ASTN2: variants seen among roughly 807,000 people sequenced by gnomAD.
ASTN2 encodes astrotactin 2.
A neutral mutation model predicts 139.8 loss-of-function variants in ASTN2; 54 were observed. The ratio of observed to expected loss-of-function variants is 0.39; its 90% CI spans 0.31 to 0.48. The LOEUF (loss-of-function observed/expected upper bound fraction) is 0.48. Ranked by LOEUF, ASTN2 falls within the 20% of genes least tolerant of loss-of-function variation. The pLI, the probability that ASTN2 is intolerant of heterozygous loss-of-function variation, is 0.95. For missense variants in ASTN2, 1,565 were observed against 1,725.1 expected, an observed-to-expected ratio of 0.91 and a Z score of 1.64; for synonymous variants, 756 against 719.5, an observed-to-expected ratio of 1.05 and a Z score of -0.81.
intron 19 of ASTN2, among the ~76,000 whole-genome samples, chr9:116,594,985 C>T (rs996729495): frequency 2.0e-5 from 3 of 152,192 alleles, no homozygotes; most frequent in African/African-American, 7.2e-5. Flanking sequence ...ATAATTTCCC[C>T]TTCAGGGATT....
chr9:117,144,678 TTTTTTTTTTTTTTTTTTTTTTG>T (rs1830152950), intron 3 of ASTN2, among the ~76,000 whole-genome samples: 1 of 61,090 alleles, frequency 1.6e-5, no homozygotes, highest in Non-Finnish European at 3.7e-5. Flanking sequence ...TTTTTTTTTT[TTTTTTTTTTTTTTTTTTTTTTG>T]AGATGGAGTC....
chr9:116,566,872 C>T (rs1055303501), intron 19 of ASTN2, among the ~76,000 whole-genome samples: 1 of 152,220 alleles, frequency 6.6e-6, no homozygotes, highest in African/African-American at 2.4e-5. Flanking sequence ...TTCCCACTCT[C>T]CTTCACACAG....
chr9:116,849,797 G>T (rs1051812328), intron 11 of ASTN2, among the ~76,000 whole-genome samples: 1 of 152,168 alleles, frequency 6.6e-6, no homozygotes, highest in East Asian at 1.9e-4. Flanking sequence ...GCTTGAGGCT[G>T]TGTCCTCACA....
intron 2 of ASTN2, among the ~76,000 whole-genome samples, chr9:117,238,689 T>A (rs1335409): frequency 2.6e-5 from 4 of 152,146 alleles, no homozygotes; most frequent in African/African-American, 4.8e-5. Context: ...GACTAGTTGC[T>A]TGACTTCAGA....
chr9:117,137,028 T>TGC (rs67907212), intron 4 of ASTN2, among the ~76,000 whole-genome samples: 29,821 of 152,136 alleles, frequency 0.2, 3,566 homozygotes, highest in Middle Eastern at 0.33. Flanking sequence ...ATTTCTTCTG[T>TGC]ACATCCAAAG....
chr9:116,581,533 AC>A (rs1338728852), intron 19 of ASTN2, among the ~76,000 whole-genome samples: 1 of 151,160 alleles, frequency 6.6e-6, no homozygotes, highest in Non-Finnish European at 1.5e-5. Flanking sequence ...TAACCCGACA[AC>A]CCCCCAAATT....
chr9:116,869,830 G>T (rs1316263518), intron 10 of ASTN2, among the ~76,000 whole-genome samples: 1 of 152,182 alleles, frequency 6.6e-6, no homozygotes, highest in Non-Finnish European at 1.5e-5. Context: ...AAAGATGGGT[G>T]TAGTGGCTCA....
intron 16 of ASTN2, among the ~76,000 whole-genome samples, chr9:116,655,939 G>C (rs1858187482): frequency 6.6e-6 from 1 of 151,972 alleles, no homozygotes; most frequent in Admixed American, 6.6e-5. Flanking sequence ...TGTTGCCCAG[G>C]CTAGTCTTGA....
At chr9:117,177,460 C>T (rs1830945128) in intron 3 of ASTN2, among the ~76,000 whole-genome samples, 2 of 152,174 alleles carry the variant, frequency 1.3e-5, no homozygotes, top group Non-Finnish European at 2.9e-5. Context: ...GTTTCATCAT[C>T]TCCAAGTAAG....
intron 16 of ASTN2, among the ~76,000 whole-genome samples, chr9:116,658,862 A>AT (rs1858391557): frequency 6.6e-6 from 1 of 151,142 alleles, no homozygotes; most frequent in South Asian, 2.1e-4. Flanking sequence ...AGATACGGAG[A>AT]TTTTATTTGT....
At chr9:116,579,952 G>C (rs1853882299) in intron 19 of ASTN2, among the ~76,000 whole-genome samples, 1 of 152,120 alleles carries the variant, frequency 6.6e-6, no homozygotes. Context: ...CTCCTGAGTA[G>C]CTGGGATTAC....
intron 10 of ASTN2, among the ~76,000 whole-genome samples, chr9:116,969,966 C>T (rs1224423690): frequency 6.6e-6 from 1 of 152,184 alleles, no homozygotes; most frequent in African/African-American, 2.4e-5. Flanking sequence ...AGGTGGTCCT[C>T]CCTCTGGAGC....
intron 19 of ASTN2, among the ~76,000 whole-genome samples, chr9:116,539,053 C>T (rs528776181): frequency 3.5e-4 from 53 of 152,156 alleles, no homozygotes; most frequent in Non-Finnish European, 5.0e-4. Flanking sequence ...ACGACATGGA[C>T]GAACCTTGAG....
intron 10 of ASTN2, among the ~76,000 whole-genome samples, chr9:116,871,440 C>A (rs149701191): frequency 2.6e-5 from 4 of 152,078 alleles, no homozygotes; most frequent in Non-Finnish European, 5.9e-5. Flanking sequence ...CAAAGAGAAA[C>A]CCTGCCTCTA....
intron 16 of ASTN2, among the ~76,000 whole-genome samples, chr9:116,720,623 C>CCT (rs565047136): frequency 1.5e-4 from 22 of 150,010 alleles, no homozygotes; most frequent in African/African-American, 5.3e-4. Context: ...TCTGTCCCTC[C>CCT]CTCTCTCTCA....
intron 2 of ASTN2, among the ~76,000 whole-genome samples, chr9:117,272,285 G>A (rs1452326193): frequency 2.0e-5 from 3 of 152,176 alleles, no homozygotes; most frequent in African/African-American, 7.2e-5. Flanking sequence ...CGCTGGAGAG[G>A]CTGGGACACA....
intron 16 of ASTN2, among the ~76,000 whole-genome samples, chr9:116,656,152 T>C (rs909529433): frequency 5.3e-5 from 8 of 152,214 alleles, no homozygotes; most frequent in African/African-American, 1.9e-4. Flanking sequence ...ATATCCATCT[T>C]ACACAGTACC....
intron 15 of ASTN2, 48 bp from the exon 16 acceptor site, chr9:116,725,998 C>T (rs200747057): frequency 6.5e-5 from 101 of 1,551,560 alleles, no homozygotes; most frequent in South Asian, 1.8e-4. Context: ...GAGAGGCTGG[C>T]GGCTAGCAAA....
In ASTN2 at chr9:117,161,387, G is replaced by A. The variant is rs79082643; in HGVS notation, c.1016-19909C>T. ...GGAGCAGCTTTATGAAAGAAAAGGC[G>A]TTTTTTTTCTTTTTTCTTTTTTGCA... On this transcript the variant is annotated intron_variant, in intron 3 of 22. Coordinates refer to ENST00000313400, the MANE Select transcript of ASTN2 (RefSeq NM_001365068.1). Among the ~76,000 whole-genome samples, 668 of 151,626 alleles carry A rather than the reference G, an allele frequency of 4.4e-3. 9 individuals carry two copies. The East Asian group carries it at 0.047, about 11-fold the overall frequency.
Sources: allele counts gnomAD v4.1 joint callset (sites outside exome capture counted in the v4.1 genomes callset), GRCh38; gene constraint gnomAD v4.1.1; transcripts MANE v1.5; gene names NCBI Gene and HGNC (gene_info 2026-07-23, HGNC 2026-07-21).